Variants in NCKAP5 observed in about 807,000 individuals in gnomAD.
NCKAP5 encodes the protein NCK associated protein 5, also known as nck-associated protein 5.
Under a neutral mutation model 167.0 loss-of-function variants are expected in NCKAP5, and 92 were observed. That is an observed-to-expected ratio of 0.55 (90% CI 0.47 to 0.66). NCKAP5 has a LOEUF of 0.66. Among genes scored for constraint, NCKAP5 ranks in the 30% least tolerant of loss-of-function variants. The pLI is 0.00. For synonymous variants in NCKAP5, 891 were observed against 877.4 expected (o/e 1.02, Z -0.27); for missense variants, 2,378 against 2,315.0 (o/e 1.03, Z -0.56).
chr2:132,984,589 T>A (rs971936447), intron 7 of NCKAP5, among the ~76,000 whole-genome samples: 1 of 152,070 alleles, frequency 6.6e-6, no homozygotes, highest in African/African-American at 2.4e-5. Context: ...GCAGACAAAA[T>A]CAATAAGGAC....
chr2:133,010,915 T>TCTATATA (rs1188000511), intron 6 of NCKAP5, among the ~76,000 whole-genome samples: 5 of 152,172 alleles, frequency 3.3e-5, no homozygotes, highest in African/African-American at 1.2e-4. Flanking sequence ...GGGCAGAGAA[T>TCTATATA]CTATATACTG....
intron 10 of NCKAP5, among the ~76,000 whole-genome samples, chr2:132,866,469 C>A (rs1015760046): frequency 6.6e-6 from 1 of 152,148 alleles, no homozygotes; most frequent in Non-Finnish European, 1.5e-5. Flanking sequence ...GGGGTACAGT[C>A]CATTCTCCTA....
chr2:132,877,213 T>C lies in NCKAP5; in HGVS notation c.648+1635A>G, dbSNP rs185954134. On this transcript the variant is annotated intron_variant, in intron 9 of 19. Transcript: ENST00000409261. ...GAGCCATGTCAGAGTCAACTAACTT[T>C]AGTGTTTAACTTTGGACATTGTCAA... 1.8e-4 allele frequency among the ~76,000 whole-genome samples: 27 copies of C among 152,260 alleles called. 1 individual carries two copies. The East Asian group carries it at 4.8e-3, about 27-fold the overall frequency.
At chr2:133,608,756 A>AT in the NCKAP5 span, among the ~76,000 whole-genome samples, 1 of 152,172 alleles carries the variant, frequency 6.6e-6, no homozygotes, top group Non-Finnish European at 1.5e-5. Flanking sequence ...ATGTTCTCAG[A>AT]TTTACTGTCC....
At chr2:133,560,164 G>T (rs928919938) in intron 1 of NCKAP5, among the ~76,000 whole-genome samples, 1 of 152,196 alleles carries the variant, frequency 6.6e-6, no homozygotes, top group Admixed American at 6.5e-5. Context: ...CATGAGATTT[G>T]AATGCCATCA....
the NCKAP5 span, among the ~76,000 whole-genome samples, chr2:133,608,352 C>T: frequency 6.6e-5 from 10 of 152,192 alleles, no homozygotes; most frequent in Admixed American, 3.3e-4. Flanking sequence ...AGCATCTCTT[C>T]CTACTTTCTT....
chr2:133,298,613 A>T (rs1680129890), intron 4 of NCKAP5, among the ~76,000 whole-genome samples: 1 of 152,200 alleles, frequency 6.6e-6, no homozygotes, highest in Non-Finnish European at 1.5e-5. Flanking sequence ...ATTCATCTAT[A>T]ATAATGCGTG....
At chr2:132,761,962 G>A (rs1054253573) in intron 16 of NCKAP5, among the ~76,000 whole-genome samples, 1 of 152,170 alleles carries the variant, frequency 6.6e-6, no homozygotes, top group Non-Finnish European at 1.5e-5. Context: ...GGACTCTGGT[G>A]CCTGAGAGGT....
chr2:132,831,035 T>A (rs1329116122), intron 11 of NCKAP5, among the ~76,000 whole-genome samples: 1 of 152,168 alleles, frequency 6.6e-6, no homozygotes, highest in Non-Finnish European at 1.5e-5. Flanking sequence ...TTAAAAAACA[T>A]AAATAAATGG....
chr2:133,286,151 A>C (rs1679113785), intron 4 of NCKAP5, among the ~76,000 whole-genome samples: 2 of 151,724 alleles, frequency 1.3e-5, no homozygotes, highest in African/African-American at 4.9e-5. Context: ...GCCCACTACC[A>C]TGCCAGGCTA....
intron 3 of NCKAP5, among the ~76,000 whole-genome samples, chr2:133,411,504 T>C (rs1688772188): frequency 6.6e-6 from 1 of 152,116 alleles, no homozygotes; most frequent in Non-Finnish European, 1.5e-5. Flanking sequence ...CAAGGATAAA[T>C]ACACCATTCA....
chr2:132,767,583 C>T (rs897383282), intron 16 of NCKAP5, among the ~76,000 whole-genome samples: 2 of 152,158 alleles, frequency 1.3e-5, no homozygotes, highest in Non-Finnish European at 2.9e-5. Flanking sequence ...TGCCTGAGTT[C>T]TTGTTACAAT....
chr2:133,105,945 CA>C (rs1378402123), intron 6 of NCKAP5, among the ~76,000 whole-genome samples: 1 of 152,020 alleles, frequency 6.6e-6, no homozygotes, highest in Non-Finnish European at 1.5e-5. Flanking sequence ...TCACTGAAGC[CA>C]AAATATTACC....
chr2:133,584,245 AT>A, the NCKAP5 span, among the ~76,000 whole-genome samples: 2 of 152,286 alleles, frequency 1.3e-5, no homozygotes, highest in East Asian at 3.9e-4. Flanking sequence ...GCTAAAAAAT[AT>A]TCTCTTAAGA....
intron 6 of NCKAP5, among the ~76,000 whole-genome samples, chr2:133,060,098 G>A (rs1277909939): frequency 2.0e-5 from 3 of 152,134 alleles, no homozygotes; most frequent in African/African-American, 7.2e-5. Flanking sequence ...AAATGCATAA[G>A]AATATACATT....
chr2:132,892,086 C>A (rs1449366550), intron 8 of NCKAP5, among the ~76,000 whole-genome samples: 5 of 152,114 alleles, frequency 3.3e-5, no homozygotes, highest in Non-Finnish European at 1.5e-5. Context: ...TCAGCCAGGC[C>A]AGAAATTGTC....
chr2:133,549,130 GA>G (rs1409534834), intron 2 of NCKAP5, among the ~76,000 whole-genome samples: 2 of 150,344 alleles, frequency 1.3e-5, no homozygotes, highest in African/African-American at 4.9e-5. Flanking sequence ...AAGAGACAAA[GA>G]AGGCCATTAC....
At chr2:132,757,312 C>T (rs1446280791) in intron 16 of NCKAP5, among the ~76,000 whole-genome samples, 1 of 152,308 alleles carries the variant, frequency 6.6e-6, no homozygotes, top group Middle Eastern at 3.4e-3. Context: ...TTTTTCCAGA[C>T]ACTACCGTTT....
the NCKAP5 span, among the ~76,000 whole-genome samples, chr2:133,617,642 G>T: frequency 2.0e-5 from 3 of 146,612 alleles, no homozygotes; most frequent in African/African-American, 7.6e-5. Flanking sequence ...CACTGCTCAA[G>T]GAAATAAAAG....
Sources: gnomAD v4.1 joint callset for allele counts (sites outside exome capture counted in the v4.1 genomes callset) on GRCh38, gnomAD v4.1.1 for gene constraint, MANE v1.5 for transcripts, NCBI Gene and HGNC (gene_info 2026-07-23, HGNC 2026-07-21) for gene names.